The following FOCAD variants were observed in gnomAD, a reference collection of about 807,000 sequenced individuals.
The protein encoded by FOCAD is focadhesin, also known as KIAA1797.
A neutral mutation model predicts 225.6 loss-of-function variants in FOCAD; 198 were observed. That is an observed-to-expected ratio of 0.88 (90% CI 0.78 to 0.99). The LOEUF is 0.99. Among genes scored for constraint, FOCAD ranks in the 50% least tolerant of loss-of-function variants. The pLI is 0.00. For missense variants in FOCAD, 2,713 were observed against 2,123.6 expected, an observed-to-expected ratio of 1.28 and a Z score of -5.46; for synonymous variants, 897 against 755.0, an observed-to-expected ratio of 1.19 and a Z score of -3.08.
In FOCAD at chr9:20,929,437, T is replaced by C. The variant is rs533621069; in HGVS notation, c.3158T>C (p.Val1053Ala). 9.3e-6 allele frequency: 15 copies of C among 1,614,074 alleles called. No homozygotes were observed. The African/African-American group carries it at 1.9e-4, about 20-fold the overall frequency. ...ACGGCTTTGTCTCTCCTTGTGCCAG[T>C]TTTCATTATCTCTTGCAAAGAGAAG... ...AATALSLLVP[V>A]FIISCKEKVE... Residue 1053 changes from valine to alanine, a missense_variant, in exon 27 of 44, where the codon GTT (valine) becomes GCT (alanine). Physicochemically the swap from Val to Ala is moderately conservative, Grantham distance 64. Coordinates refer to ENST00000338382, the MANE Select transcript of FOCAD (RefSeq NM_001375567.1).
chr9:20,707,474 T>A (rs558644015), intron 1 of FOCAD, among the ~76,000 whole-genome samples: 1 of 152,330 alleles, frequency 6.6e-6, no homozygotes, highest in South Asian at 2.1e-4. Flanking sequence ...TGTAACTTTT[T>A]ACTCCCCAAG....
intron 5 of FOCAD, among the ~76,000 whole-genome samples, chr9:20,742,995 G>GTATA (rs1827757269): frequency 6.6e-6 from 1 of 152,190 alleles, no homozygotes; most frequent in South Asian, 2.1e-4. Context: ...GTAATTGAGT[G>GTATA]TATAAGAGCC....
chr9:20,667,828 G>GA lies in FOCAD; in HGVS notation c.-78+9010dup, dbSNP rs747289179. Among the ~76,000 whole-genome samples the GA allele has an allele frequency of 7.2e-5, 11 of 151,760 alleles. No individual in the cohort carries two copies. In the East Asian group the frequency reaches 9.7e-4, roughly 13 times the overall value. On this transcript the variant is annotated intron_variant, in intron 2 of 45. Transcript: ENST00000380249. ...ATCAACAAAAATAAAAACCAGATAT[G>GA]AAAAAAAACCTCCCTAATGAAGACG...
intron 10 of FOCAD, among the ~76,000 whole-genome samples, chr9:20,786,266 ATTGAAATAAACTT>A (rs1338601208): frequency 7.9e-5 from 12 of 152,212 alleles, no homozygotes; most frequent in African/African-American, 2.9e-4. Flanking sequence ...ATAATAGTAA[ATTGAAATAAACTT>A]TTTTTAGACT....
chr9:20,778,580 G>A (rs1362495572), intron 8 of FOCAD, 101 bp from the exon 9 acceptor site: 2 of 638,278 alleles, frequency 3.1e-6, no homozygotes, highest in Middle Eastern at 5.1e-4. Flanking sequence ...TAATAGGCTT[G>A]CAGTCTTTCA....
chr9:20,771,971 T>C (rs1413766607), intron 8 of FOCAD, among the ~76,000 whole-genome samples: 3 of 152,134 alleles, frequency 2.0e-5, no homozygotes, highest in Non-Finnish European at 4.4e-5. Flanking sequence ...CACTTAACCT[T>C]AATGACTTCC....
chr9:20,991,812 CAAA>C (rs58403366), intron 42 of FOCAD, among the ~76,000 whole-genome samples: 7 of 105,938 alleles, frequency 6.6e-5, no homozygotes, highest in Admixed American at 1.0e-4. Flanking sequence ...GACTCTGTCT[CAAA>C]AAAAAAAAAA....
chr9:20,982,120 A>G (rs1485403215), intron 38 of FOCAD, among the ~76,000 whole-genome samples: 1 of 152,190 alleles, frequency 6.6e-6, no homozygotes, highest in African/African-American at 2.4e-5. Flanking sequence ...ATTTGGGATG[A>G]AGGAATTTTG....
chr9:20,916,916 A>G lies in FOCAD; in HGVS notation c.2831A>G (p.Glu944Gly), dbSNP rs773463012. The change falls in exon 24 of 44, where the codon GAG becomes GGG. Residue 944 changes from glutamate (E) to glycine (G), a missense_variant. Transcript: ENST00000338382. The part of the protein sequence containing the change: ...WLWVRDMLTD[E>G]ITKAAAKESP... Reference sequence around the variant, plus strand: ...AGGGTTAGAGACATGCTGACTGATGAGATCACCAAGGCAGCTGCAAAGTAA... The same window carrying G: ...AGGGTTAGAGACATGCTGACTGATGGGATCACCAAGGCAGCTGCAAAGTAA... The G allele has an allele frequency of 8.1e-6, 13 of 1,605,122 alleles. No individual in the cohort carries two copies. Among genetic ancestry groups the G allele is most frequent in the Non-Finnish European group, 1.1e-5 (13 of 1,176,950 alleles).
intron 16 of FOCAD, chr9:20,863,649 G>A (rs1828977817): frequency 6.6e-6 from 1 of 151,948 alleles, no homozygotes; most frequent in Admixed American, 6.6e-5. Context: ...GAATCAATTT[G>A]TGACTGTGAG....
At chr9:20,834,189 T>A (rs1825771178) in intron 15 of FOCAD, among the ~76,000 whole-genome samples, 1 of 151,868 alleles carries the variant, frequency 6.6e-6, no homozygotes, top group African/African-American at 2.4e-5. Flanking sequence ...CTCAGTAAAC[T>A]AACACGGGAA....
chr9:20,923,620 T>C (rs1834659916), intron 24 of FOCAD, 40 bp from the exon 25 acceptor site: 1 of 1,528,236 alleles, frequency 6.5e-7, no homozygotes, highest in Admixed American at 1.7e-5. Flanking sequence ...TTCTGGTTAA[T>C]ACCAAAGTTC....
chr9:20,923,935 G>T (rs1465133158), intron 25 of FOCAD, among the ~76,000 whole-genome samples, 167 bp downstream of exon 25: 1 of 152,102 alleles, frequency 6.6e-6, no homozygotes, highest in Non-Finnish European at 1.5e-5. Flanking sequence ...TAACTTTGCT[G>T]CTTTTCTGTT....
intron 4 of FOCAD, among the ~76,000 whole-genome samples, chr9:20,732,202 A>T (rs1014574361): frequency 6.6e-6 from 1 of 152,178 alleles, no homozygotes; most frequent in South Asian, 2.1e-4. Flanking sequence ...TTTGGTTTCA[A>T]TGGAGAGATT....
intron 1 of FOCAD, among the ~76,000 whole-genome samples, chr9:20,691,542 C>T (rs546805354): frequency 5.3e-5 from 8 of 151,934 alleles, no homozygotes; most frequent in East Asian, 1.9e-4. Context: ...AGTGCAGTGG[C>T]GTCATCTCGG....
chr9:20,811,028 A>G (rs915125917), intron 11 of FOCAD, among the ~76,000 whole-genome samples: 1 of 152,086 alleles, frequency 6.6e-6, no homozygotes, highest in South Asian at 2.1e-4. Flanking sequence ...TGATCAGAAT[A>G]TATTTTGGAG....
intron 2 of FOCAD, among the ~76,000 whole-genome samples, chr9:20,679,115 C>CTGTGTGTGTG (rs1221269261): frequency 1.8e-4 from 17 of 93,044 alleles, no homozygotes; most frequent in Middle Eastern, 6.1e-3. Context: ...AACAGACAGT[C>CTGTGTGTGTG]TGTGTATGTG....
chr9:20,717,252 C>G (rs770921731), intron 2 of FOCAD, among the ~76,000 whole-genome samples: 17 of 152,144 alleles, frequency 1.1e-4, no homozygotes, highest in Non-Finnish European at 2.5e-4. Flanking sequence ...GCAGGACTGA[C>G]AGTTATTCAC....
chr9:20,912,988 C>T (rs780749238), intron 23 of FOCAD, 34 bp downstream of exon 23: 1 of 1,551,440 alleles, frequency 6.4e-7, no homozygotes, highest in Non-Finnish European at 8.9e-7. Context: ...CATTATTTGT[C>T]ATGGGAAGTG....
Sources: allele counts gnomAD v4.1 joint callset (sites outside exome capture counted in the v4.1 genomes callset), GRCh38; gene constraint gnomAD v4.1.1; transcripts MANE v1.5; gene names NCBI Gene and HGNC (gene_info 2026-07-23, HGNC 2026-07-21).